Variants in KCNH8 observed in about 807,000 individuals in gnomAD.
KCNH8 encodes the protein voltage-gated delayed rectifier potassium channel KCNH8.
In KCNH8, 70 loss-of-function variants were observed where a neutral mutation model predicts 103.6. That is an observed-to-expected ratio of 0.68 (90% CI 0.56 to 0.82). The LOEUF (loss-of-function observed/expected upper bound fraction) is 0.82, where lower values mean the gene tolerates loss of function less well. KCNH8 is among the 40% of genes least tolerant of loss of function. The probability of loss-of-function intolerance (pLI) is 0.00; values close to 1 mark genes in which losing one functional copy is unlikely to be tolerated. For synonymous variants in KCNH8, 498 were observed against 489.4 expected (o/e 1.02, Z -0.23); for missense variants, 1,217 against 1,329.9 (o/e 0.92, Z 1.32).
chr3:19,302,185 G>A (rs2065071860), intron 3 of KCNH8, among the ~76,000 whole-genome samples: 1 of 152,038 alleles, frequency 6.6e-6, no homozygotes, highest in Non-Finnish European at 1.5e-5. Flanking sequence ...TGGTTCCTCT[G>A]GAAGCCAGAT....
At chr3:19,294,062 ACCTTAGTCTTAG>A (rs2064964443) in intron 3 of KCNH8, among the ~76,000 whole-genome samples, 1 of 152,130 alleles carries the variant, frequency 6.6e-6, no homozygotes, top group Non-Finnish European at 1.5e-5. Context: ...TCATGTATTT[ACCTTAGTCTTAG>A]CCTCTCTAAA....
At chr3:19,156,862 G>A (rs940510852) in intron 1 of KCNH8, among the ~76,000 whole-genome samples, 3 of 151,904 alleles carry the variant, frequency 2.0e-5, no homozygotes, top group African/African-American at 7.3e-5. Context: ...TCCAGTGTCA[G>A]GTACTGTTGA....
chr3:19,305,472 G>A (rs1392266633), intron 3 of KCNH8, among the ~76,000 whole-genome samples: 1 of 152,142 alleles, frequency 6.6e-6, no homozygotes, highest in African/African-American at 2.4e-5. Context: ...CCAAGGGTCA[G>A]CTCAGGGTGA....
chr3:19,257,255 A>G (rs974389783), intron 2 of KCNH8, among the ~76,000 whole-genome samples: 4 of 151,912 alleles, frequency 2.6e-5, no homozygotes, highest in African/African-American at 4.8e-5. Context: ...TGCTTTGCCT[A>G]TTTGTTCCTT....
At chr3:19,218,204 TA>T (rs1205666684) in intron 1 of KCNH8, among the ~76,000 whole-genome samples, 1 of 152,230 alleles carries the variant, frequency 6.6e-6, no homozygotes, top group African/African-American at 2.4e-5. Context: ...AAAACTCCAC[TA>T]ATCATAATGA....
chr3:19,273,405 C>T (rs2064618223), intron 2 of KCNH8, among the ~76,000 whole-genome samples: 1 of 152,176 alleles, frequency 6.6e-6, no homozygotes, highest in Non-Finnish European at 1.5e-5. Context: ...AGACATTTGT[C>T]TGCTCACTAC....
intron 11 of KCNH8, among the ~76,000 whole-genome samples, chr3:19,503,875 A>T (rs938649279): frequency 1.3e-5 from 2 of 152,198 alleles, no homozygotes; most frequent in East Asian, 3.9e-4. Context: ...ACACGTATAC[A>T]TATGTAACTA....
At chr3:19,382,830 A>G (rs112475142) in intron 5 of KCNH8, among the ~76,000 whole-genome samples, 20 of 152,092 alleles carry the variant, frequency 1.3e-4, no homozygotes, top group African/African-American at 4.6e-4. Context: ...AGCAATCTCA[A>G]TGTCTCAGTG....
intron 11 of KCNH8, among the ~76,000 whole-genome samples, chr3:19,491,596 T>C (rs2068323364): frequency 6.6e-6 from 1 of 152,188 alleles, no homozygotes. Context: ...CCACTGACGG[T>C]CACCTATGCT....
intron 2 of KCNH8, among the ~76,000 whole-genome samples, chr3:19,270,109 C>A (rs2125265580): frequency 6.6e-6 from 1 of 152,230 alleles, no homozygotes; most frequent in Non-Finnish European, 1.5e-5. Flanking sequence ...CTAATTATGA[C>A]CTGTATCTGG....
At chr3:19,204,219 T>C (rs1245603210) in intron 1 of KCNH8, among the ~76,000 whole-genome samples, 1 of 152,092 alleles carries the variant, frequency 6.6e-6, no homozygotes, top group Admixed American at 6.6e-5. Context: ...TTTCTGTCTC[T>C]GTCTTTCCTC....
intron 3 of KCNH8, among the ~76,000 whole-genome samples, chr3:19,295,187 C>T (rs1176239878): frequency 6.6e-6 from 1 of 151,820 alleles, no homozygotes; most frequent in Non-Finnish European, 1.5e-5. Context: ...TAGGATTAGC[C>T]TGGGGAACAC....
intron 3 of KCNH8, among the ~76,000 whole-genome samples, chr3:19,282,339 T>G (rs931287010): frequency 7.2e-5 from 11 of 152,136 alleles, no homozygotes; most frequent in African/African-American, 2.4e-4. Context: ...ATATTAAAAT[T>G]AAAGTTGCTT....
At chr3:19,369,614 T>A (rs186033408) in intron 5 of KCNH8, among the ~76,000 whole-genome samples, 36 of 152,126 alleles carry the variant, frequency 2.4e-4, no homozygotes, top group Middle Eastern at 6.8e-3. Flanking sequence ...ATCATTCCAA[T>A]GAAACATAGC....
At chr3:19,269,130 TTGA>T (rs370661217) in intron 2 of KCNH8, among the ~76,000 whole-genome samples, 1 of 152,120 alleles carries the variant, frequency 6.6e-6, no homozygotes, top group Admixed American at 6.6e-5. Context: ...CAGAGCACTG[TTGA>T]TGAGATCTAA....
chr3:19,355,398 A>T (rs2065866579), intron 5 of KCNH8, among the ~76,000 whole-genome samples: 1 of 152,224 alleles, frequency 6.6e-6, no homozygotes, highest in Non-Finnish European at 1.5e-5. Context: ...TAACCAAAGG[A>T]TTATAAATCA....
intron 2 of KCNH8, among the ~76,000 whole-genome samples, chr3:19,272,616 A>G (rs577857097): frequency 1.3e-5 from 2 of 152,254 alleles, no homozygotes; most frequent in South Asian, 4.1e-4. Context: ...TCAAAACTGC[A>G]TCATGGTCTT....
At chr3:19,488,258 T>C (rs913735864) in intron 11 of KCNH8, among the ~76,000 whole-genome samples, 1 of 152,240 alleles carries the variant, frequency 6.6e-6, no homozygotes, top group African/African-American at 2.4e-5. Context: ...CTGGGTATTC[T>C]TCCCAGAACC....
chr3:19,497,006 C>T (rs2068456909), intron 11 of KCNH8, among the ~76,000 whole-genome samples: 1 of 151,960 alleles, frequency 6.6e-6, no homozygotes, highest in East Asian at 1.9e-4. Flanking sequence ...AGGAATTTAT[C>T]AGTTTCTTCT....
Sources: gnomAD v4.1 joint callset for allele counts (sites outside exome capture counted in the v4.1 genomes callset) on GRCh38, gnomAD v4.1.1 for gene constraint, MANE v1.5 for transcripts, NCBI Gene and HGNC (gene_info 2026-07-23, HGNC 2026-07-21) for gene names.